The following PDCD1LG2 variants were observed in gnomAD, a reference collection of about 807,000 sequenced individuals.
PDCD1LG2 encodes the protein B7 dendritic cell molecule.
Under a neutral mutation model 28.2 loss-of-function variants are expected in PDCD1LG2, and 32 were observed. That is an observed-to-expected ratio of 1.13 (90% CI 0.86 to 1.52). PDCD1LG2 has a LOEUF of 1.52. PDCD1LG2 is among the 40% of genes most tolerant of loss of function. The pLI, the probability that PDCD1LG2 is intolerant of heterozygous loss-of-function variation, is 0.00. For missense variants in PDCD1LG2, 385 were observed against 323.8 expected (o/e 1.19, Z -1.45); for synonymous variants, 116 against 120.2 (o/e 0.97, Z 0.23).
chr9:5,525,061 C>T (rs1395684479), intron 2 of PDCD1LG2, among the ~76,000 whole-genome samples: 1 of 152,164 alleles, frequency 6.6e-6, no homozygotes, highest in Non-Finnish European at 1.5e-5. Context: ...TTAAAAATAA[C>T]ACTTGGCCAG....
At chr9:5,520,629 G>C (rs995738003) in intron 1 of PDCD1LG2, among the ~76,000 whole-genome samples, 1 of 151,804 alleles carries the variant, frequency 6.6e-6, no homozygotes, top group East Asian at 1.9e-4. Flanking sequence ...AACAATAAAA[G>C]AAAAAAGTAG....
intron 1 of PDCD1LG2, among the ~76,000 whole-genome samples, chr9:5,518,766 G>T (rs1311677293): frequency 1.3e-5 from 2 of 152,084 alleles, no homozygotes; most frequent in Admixed American, 6.5e-5. Context: ...TATATTTGTT[G>T]CCACATCTTT....
chr9:5,570,974 T>C lies in PDCD1LG2; in HGVS notation c.*1015T>C. The C allele has an allele frequency of 4.3e-6, 1 of 232,844 alleles. No individual in the cohort carries two copies. The highest frequency in any genetic ancestry group is 8.5e-6 in the Non-Finnish European group (1 of 117,790). The allele number at this position is 232,844 out of a possible 1,614,324, so 14.4% of individuals were successfully genotyped here. On this transcript the variant is annotated 3_prime_UTR_variant, in exon 7 of 7. Coordinates refer to ENST00000397747, the MANE Select transcript of PDCD1LG2 (RefSeq NM_025239.4). ...GTGTGGAGCAGAAGGGTAACTCGGC[T>C]ACAGTAACAGCTTAATTTTGTTAAA...
intron 3 of PDCD1LG2, among the ~76,000 whole-genome samples, chr9:5,547,170 A>G (rs76739680): frequency 3.9e-4 from 59 of 152,354 alleles, no homozygotes; most frequent in African/African-American, 1.4e-3. Flanking sequence ...TGGTTTTCAC[A>G]TGGTTGTTAC....
chr9:5,538,807 G>C (rs1382074909), intron 3 of PDCD1LG2, among the ~76,000 whole-genome samples: 1 of 151,896 alleles, frequency 6.6e-6, no homozygotes, highest in Non-Finnish European at 1.5e-5. Flanking sequence ...CTTCTTTTGA[G>C]ATCATTTTTT....
chr9:5,546,189 C>G (rs971169942), intron 3 of PDCD1LG2, among the ~76,000 whole-genome samples: 1 of 152,140 alleles, frequency 6.6e-6, no homozygotes, highest in Non-Finnish European at 1.5e-5. Context: ...AAGCCTCAGC[C>G]AAGCTCCCAA....
intron 1 of PDCD1LG2, among the ~76,000 whole-genome samples, chr9:5,515,308 G>C (rs1820136137): frequency 6.6e-6 from 1 of 152,190 alleles, no homozygotes; most frequent in African/African-American, 2.4e-5. Flanking sequence ...AGGTGGCATG[G>C]TTGTTTGAAC....
chr9:5,533,218 T>G (rs191310124), intron 2 of PDCD1LG2, among the ~76,000 whole-genome samples: 1 of 152,342 alleles, frequency 6.6e-6, no homozygotes, highest in Admixed American at 6.5e-5. Context: ...CTTCAAGATT[T>G]TCCTATACCT....
At chr9:5,562,865 T>G (rs1816592320) in intron 5 of PDCD1LG2, among the ~76,000 whole-genome samples, 1 of 152,202 alleles carries the variant, frequency 6.6e-6, no homozygotes. Flanking sequence ...GAGAGCTAAT[T>G]CTGCAGCCAG....
chr9:5,522,006 G>C (rs985697211), intron 1 of PDCD1LG2, among the ~76,000 whole-genome samples: 10 of 152,188 alleles, frequency 6.6e-5, no homozygotes, highest in African/African-American at 1.9e-4. Context: ...GGTAGTTCAA[G>C]AGAGGGGCAA....
chr9:5,527,233 G>C (rs938800201), intron 2 of PDCD1LG2, among the ~76,000 whole-genome samples: 3 of 152,042 alleles, frequency 2.0e-5, no homozygotes, highest in African/African-American at 7.2e-5. Context: ...TTTAACAAAT[G>C]CATAGTCCTA....
At chr9:5,513,576 TA>T (rs1201125319) in intron 1 of PDCD1LG2, among the ~76,000 whole-genome samples, 1 of 152,262 alleles carries the variant, frequency 6.6e-6, no homozygotes, top group African/African-American at 2.4e-5. Flanking sequence ...TATAAAGGCT[TA>T]TAAAAAGTGG....
chr9:5,550,008 C>A (rs1322206585), intron 4 of PDCD1LG2, among the ~76,000 whole-genome samples: 3 of 152,222 alleles, frequency 2.0e-5, no homozygotes, highest in Non-Finnish European at 4.4e-5. Flanking sequence ...CAAGGGTCCA[C>A]TGTTGTATTC....
At position 5,534,822 on chromosome 9, in the gene PDCD1LG2, GAC is replaced by G. The variant is rs1328505732; in HGVS notation, c.136_137del (p.Thr46TrpfsTer19). 8.1e-6 allele frequency: 13 copies of G among 1,614,172 alleles called. No individual in the cohort carries two copies. The highest frequency in any genetic ancestry group is 1.1e-5 in the Non-Finnish European group (13 of 1,180,030). ...CAATGTGACCCTGGAATGCAACTTT[GAC>G]ACTGGAAGTCATGTGAACCTTGGAG... ...GSNVTLECNF[D>X]TGSHVNLGAI... On this transcript the variant is annotated frameshift_variant, in exon 3 of 7. Coordinates refer to ENST00000397747, the MANE Select transcript of PDCD1LG2 (RefSeq NM_025239.4). LOFTEE classifies it high-confidence loss of function.
intron 4 of PDCD1LG2, 31 bp downstream of exon 4, chr9:5,549,635 CAGTT>C: frequency 1.2e-6 from 2 of 1,611,360 alleles, no homozygotes; most frequent in Non-Finnish European, 1.7e-6. Flanking sequence ...CTAGGTCTAT[CAGTT>C]AGGGTTCAGA....
chr9:5,568,901 AC>A (rs1816718331), intron 6 of PDCD1LG2, among the ~76,000 whole-genome samples: 1 of 152,192 alleles, frequency 6.6e-6, no homozygotes, highest in Non-Finnish European at 1.5e-5. Flanking sequence ...GACAAATATC[AC>A]TTTAAGCTGG....
Position 5,545,431 on chromosome 9 carries a change from C to A in PDCD1LG2, c.362-3904C>A, listed in dbSNP as rs370421484. 8.7e-4 allele frequency among the ~76,000 whole-genome samples: 133 copies of A among 152,314 alleles called. 6 individuals carry two copies. The South Asian group carries it at 0.027, about 30-fold the overall frequency. ...TAACTTGCTTATTGTATAATCATGG[C>A]AAAGACTGCTTCTAGAGGAAGTAGG... On this transcript the variant is annotated intron_variant, in intron 3 of 6. Coordinates refer to ENST00000397747, the MANE Select transcript of PDCD1LG2 (RefSeq NM_025239.4).
chr9:5,557,762 T>C lies in PDCD1LG2; in HGVS notation c.766+10T>C, dbSNP rs763611932. ...CTGTATTCTTCAAAAGGTAAGTGAG[T>C]TTTATTCATGGTAACCCAATGCACT... On this transcript the variant is annotated intron_variant, in intron 5 of 6. Transcript: ENST00000397747. 6.2e-7 allele frequency: 1 copy of C among 1,613,584 alleles called. No individual in the cohort carries two copies. The highest frequency in any genetic ancestry group is 8.5e-7 in the Non-Finnish European group (1 of 1,179,654).
intron 3 of PDCD1LG2, among the ~76,000 whole-genome samples, chr9:5,539,302 T>A (rs1820644642): frequency 6.6e-6 from 1 of 152,108 alleles, no homozygotes; most frequent in African/African-American, 2.4e-5. Context: ...GCTACCCTGA[T>A]CCAGGGTCTC....
Sources: allele counts gnomAD v4.1 joint callset (sites outside exome capture counted in the v4.1 genomes callset), GRCh38; gene constraint gnomAD v4.1.1; transcripts MANE v1.5; gene names NCBI Gene and HGNC (gene_info 2026-07-23, HGNC 2026-07-21).